Variants in ANO3 observed in about 807,000 individuals in gnomAD.
The protein encoded by ANO3 is anoctamin 3, also known as anoctamin-3.
Under a neutral mutation model 144.8 loss-of-function variants are expected in ANO3, and 99 were observed. That is an observed-to-expected ratio of 0.68 (90% CI 0.58 to 0.81). The LOEUF is 0.81. Ranked by LOEUF, ANO3 falls within the 30% of genes least tolerant of loss-of-function variation. The probability of loss-of-function intolerance (pLI) is 0.00; values close to 1 mark genes in which losing one functional copy is unlikely to be tolerated. For missense variants in ANO3, 905 were observed against 1,202.2 expected, an observed-to-expected ratio of 0.75 and a Z score of 3.66; for synonymous variants, 414 against 392.6, an observed-to-expected ratio of 1.05 and a Z score of -0.64.
At chr11:26,516,051 A>G (rs907907899) in intron 5 of ANO3, among the ~76,000 whole-genome samples, 1 of 151,914 alleles carries the variant, frequency 6.6e-6, no homozygotes, top group Non-Finnish European at 1.5e-5. Flanking sequence ...ACAAAAGCTA[A>G]GTATCGTGAT....
intron 14 of ANO3, among the ~76,000 whole-genome samples, chr11:26,590,854 A>G (rs294001): frequency 0.099 from 15,124 of 152,088 alleles, 917 homozygotes; most frequent in Admixed American, 0.21. Flanking sequence ...CTTGAGCCGT[A>G]ACAAACACGG....
At chr11:26,246,670 C>G (rs12277400) in intron 1 of ANO3, among the ~76,000 whole-genome samples, 2,422 of 148,326 alleles carry the variant, frequency 0.016, 62 homozygotes, top group African/African-American at 0.059. Context: ...CTACCCAAAA[C>G]TCATCTTCAG....
intron 4 of ANO3, among the ~76,000 whole-genome samples, chr11:26,475,064 G>A (rs1565046917): frequency 6.6e-6 from 1 of 151,722 alleles, no homozygotes; most frequent in Non-Finnish European, 1.5e-5. Context: ...ATAAACTAGA[G>A]AACCTATGAT....
chr11:26,305,170 A>AG (rs1358872313), upstream of ANO3, among the ~76,000 whole-genome samples: 3 of 151,936 alleles, frequency 2.0e-5, no homozygotes, highest in Admixed American at 6.6e-5. Flanking sequence ...AAAAAAAAAA[A>AG]AAGTAATATT....
At chr11:26,525,798 G>C (rs111594806) in intron 7 of ANO3, 119 bp downstream of exon 7, 1 of 701,342 alleles carries the variant, frequency 1.4e-6, no homozygotes, top group African/African-American at 1.9e-5. Flanking sequence ...CTATTGATTT[G>C]TCGAAGATAT....
intron 23 of ANO3, among the ~76,000 whole-genome samples, chr11:26,645,772 T>G (rs925435349): frequency 1.3e-5 from 2 of 152,052 alleles, no homozygotes; most frequent in African/African-American, 2.4e-5. Flanking sequence ...ACTTAGATAA[T>G]GGGTTGATAG....
chr11:26,347,116 T>G (rs1480509258), intron 1 of ANO3, among the ~76,000 whole-genome samples: 1 of 152,232 alleles, frequency 6.6e-6, no homozygotes, highest in Admixed American at 6.5e-5. Context: ...CTTCAAATTC[T>G]CGCTCCATCA....
At chr11:26,436,282 CACA>C (rs2134016111) in intron 1 of ANO3, among the ~76,000 whole-genome samples, 1 of 152,310 alleles carries the variant, frequency 6.6e-6, no homozygotes, top group East Asian at 1.9e-4. Flanking sequence ...ACCTGCCCCT[CACA>C]CCAGGAGCTT....
chr11:26,309,581 C>T (rs1356443949), upstream of ANO3: 4 of 792,554 alleles, frequency 5.0e-6, no homozygotes, highest in Admixed American at 1.9e-4. Flanking sequence ...TAATTTTCTA[C>T]TCTCTTTCTG....
intron 1 of ANO3, among the ~76,000 whole-genome samples, chr11:26,230,663 G>A (rs1216595957): frequency 2.0e-5 from 3 of 151,098 alleles, no homozygotes; most frequent in South Asian, 2.1e-4. Flanking sequence ...CAAGCATGGC[G>A]GCTCACACCT....
chr11:26,482,713 T>G (rs919296155), intron 4 of ANO3, among the ~76,000 whole-genome samples: 1 of 152,176 alleles, frequency 6.6e-6, no homozygotes, highest in African/African-American at 2.4e-5. Flanking sequence ...ATGACCTGAA[T>G]AGTATACATT....
At chr11:26,520,300 T>G (rs1188124663) in intron 6 of ANO3, among the ~76,000 whole-genome samples, 1 of 152,162 alleles carries the variant, frequency 6.6e-6, no homozygotes, top group African/African-American at 2.4e-5. Context: ...TTAAAAAAAC[T>G]ATATTCATTT....
intron 1 of ANO3, among the ~76,000 whole-genome samples, chr11:26,220,616 T>A (rs1852122905): frequency 6.6e-6 from 1 of 152,226 alleles, no homozygotes; most frequent in South Asian, 2.1e-4. Context: ...GAAGGCATTC[T>A]CATTGGAGGA....
In ANO3 at chr11:26,213,227, C is replaced by A. The variant is rs12222806; in HGVS notation, c.154+23897C>A. Among the ~76,000 whole-genome samples, 177 of 152,220 alleles carry A rather than the reference C, an allele frequency of 1.2e-3. 2 individuals are homozygous for A. The East Asian group carries it at 0.026, about 22-fold the overall frequency. Reference sequence around the variant, plus strand: ...ATTACCTTTGAAAACAGGCACAAGACAAGGATGCCCTTTCTCCACTCCTAT... The same window carrying A: ...ATTACCTTTGAAAACAGGCACAAGAAAAGGATGCCCTTTCTCCACTCCTAT... On this transcript the variant is annotated intron_variant, in intron 1 of 27. Transcript: ENST00000672621.
rs367808001 is a variant in ANO3, at chr11:26,512,328, T to C, written c.591+4066T>C. 6.0e-4 allele frequency among the ~76,000 whole-genome samples: 91 copies of C among 152,294 alleles called. 3 individuals are homozygous for C. In the South Asian group the frequency reaches 0.013, roughly 21 times the overall value. On this transcript the variant is annotated intron_variant, in intron 5 of 26. Transcript: ENST00000256737. ...TTGGGGTGGAATAATTAAATAATAA[T>C]GTGAAGTGTGAAGGCAGTGGGTGTT...
At chr11:26,414,941 C>T (rs1352799039) in intron 1 of ANO3, among the ~76,000 whole-genome samples, 1 of 151,814 alleles carries the variant, frequency 6.6e-6, no homozygotes, top group Non-Finnish European at 1.5e-5. Context: ...TAGTGGATGA[C>T]TTCTTTCGTC....
In ANO3 at chr11:26,612,253, C is replaced by A. The variant is rs867716234; in HGVS notation, c.1837-12209C>A. On this transcript the variant is annotated intron_variant, in intron 17 of 26. Coordinates refer to ENST00000256737, the MANE Select transcript of ANO3 (RefSeq NM_031418.4). ...TGGTGCTATGCTTTGTTTTCTTACT[C>A]TTGGCATTTGTGTGACTGCTGTAAT... Among the ~76,000 whole-genome samples the A allele has an allele frequency of 1.8e-4, 28 of 152,028 alleles. 1 individual carries two copies. Among genetic ancestry groups the A allele is most frequent in the Middle Eastern group, 3.4e-3 (1 of 294 alleles).
chr11:26,507,996 A>T (rs1861504081), intron 4 of ANO3, 108 bp from the exon 5 acceptor site: 5 of 975,112 alleles, frequency 5.1e-6, no homozygotes, highest in Non-Finnish European at 7.4e-6. Flanking sequence ...GAATATTAAA[A>T]ATACATTTTT....
chr11:26,450,234 T>C (rs980849104), intron 3 of ANO3, among the ~76,000 whole-genome samples: 1 of 152,054 alleles, frequency 6.6e-6, no homozygotes, highest in African/African-American at 2.4e-5. Context: ...CTGACTTGGG[T>C]GGATGGGTGA....
Sources: gnomAD v4.1 joint callset for allele counts (sites outside exome capture counted in the v4.1 genomes callset) on GRCh38, gnomAD v4.1.1 for gene constraint, MANE v1.5 for transcripts, NCBI Gene and HGNC (gene_info 2026-07-23, HGNC 2026-07-21) for gene names.